The following FABP12 variants were observed in gnomAD, a reference collection of about 807,000 sequenced individuals.
FABP12 encodes fatty acid-binding protein 12.
In FABP12, 19 loss-of-function variants were observed where a neutral mutation model predicts 13.7. That is an observed-to-expected ratio of 1.39 (90% CI 0.97 to 2.04). The LOEUF (loss-of-function observed/expected upper bound fraction) is 2.04. FABP12 is among the 30% of genes most tolerant of loss of function. The pLI is 0.00. For missense variants in FABP12, 182 were observed against 164.2 expected, an observed-to-expected ratio of 1.11 and a Z score of -0.59; for synonymous variants, 61 against 57.0, an observed-to-expected ratio of 1.07 and a Z score of -0.32.
At chr8:81,544,177 T>C (rs1276012006) in intron 1 of FABP12, among the ~76,000 whole-genome samples, 1 of 152,180 alleles carries the variant, frequency 6.6e-6, no homozygotes, top group African/African-American at 2.4e-5. Context: ...AGGAGTTTAT[T>C]AGATTCCTAG....
intron 1 of FABP12, among the ~76,000 whole-genome samples, chr8:81,584,969 T>C (rs896500954): frequency 6.6e-6 from 1 of 152,218 alleles, no homozygotes; most frequent in African/African-American, 2.4e-5. Context: ...TCTAGTCAGA[T>C]CTTTTGGTTA....
At chr8:81,569,059 C>T (rs531886594) in intron 1 of FABP12, among the ~76,000 whole-genome samples, 1 of 152,114 alleles carries the variant, frequency 6.6e-6, no homozygotes, top group African/African-American at 2.4e-5. Context: ...AGGGTAACTA[C>T]AGTGAACAAT....
intron 1 of FABP12, among the ~76,000 whole-genome samples, chr8:81,576,195 T>C (rs1042380784): frequency 1.1e-4 from 17 of 152,194 alleles, no homozygotes; most frequent in Non-Finnish European, 2.1e-4. Flanking sequence ...ACGATAGTGA[T>C]AAAATCTCAA....
chr8:81,532,060 A>C (rs961988141), intron 1 of FABP12, among the ~76,000 whole-genome samples: 1 of 152,182 alleles, frequency 6.6e-6, no homozygotes, highest in Non-Finnish European at 1.5e-5. Flanking sequence ...ATATCTTTTA[A>C]GTCCTCTTTA....
exon 2 of FABP12, chr8:81,531,305 T>C: frequency 6.2e-7 from 1 of 1,601,084 alleles, no homozygotes; most frequent in East Asian, 2.2e-5. Flanking sequence ...TCCTTGGAGC[T>C]GGTCAATCAT....
chr8:81,555,182 G>A (rs1051466521), intron 1 of FABP12, among the ~76,000 whole-genome samples: 5 of 152,140 alleles, frequency 3.3e-5, no homozygotes, highest in Non-Finnish European at 5.9e-5. Context: ...CATGATCTTC[G>A]TTTAATTAGC....
intron 1 of FABP12, among the ~76,000 whole-genome samples, chr8:81,567,525 T>C (rs552844727): frequency 6.6e-6 from 1 of 152,268 alleles, no homozygotes; most frequent in South Asian, 2.1e-4. Flanking sequence ...AAACTCCTAT[T>C]TGACAAAGGT....
chr8:81,571,772 A>C (rs1809936115), intron 1 of FABP12, among the ~76,000 whole-genome samples: 1 of 152,190 alleles, frequency 6.6e-6, no homozygotes, highest in African/African-American at 2.4e-5. Flanking sequence ...ATTCACTGAA[A>C]CGACTAACAA....
At chr8:81,561,461 A>G (rs1030707039) in intron 1 of FABP12, among the ~76,000 whole-genome samples, 2 of 152,252 alleles carry the variant, frequency 1.3e-5, no homozygotes, top group African/African-American at 2.4e-5. Flanking sequence ...TTCTCCCTGC[A>G]GAAACACTAA....
intron 1 of FABP12, among the ~76,000 whole-genome samples, chr8:81,574,513 T>C (rs1419339788): frequency 1.3e-5 from 2 of 152,100 alleles, no homozygotes; most frequent in African/African-American, 2.4e-5. Flanking sequence ...TGTAGAATAG[T>C]GTCAATAGGA....
At chr8:81,554,410 T>C (rs957408414) in intron 1 of FABP12, among the ~76,000 whole-genome samples, 2 of 152,220 alleles carry the variant, frequency 1.3e-5, no homozygotes, top group African/African-American at 2.4e-5. Context: ...TTCCTAAGGA[T>C]ACACAGTCCC....
intron 1 of FABP12, among the ~76,000 whole-genome samples, chr8:81,589,262 TAAAAC>T (rs1376791484): frequency 6.6e-6 from 1 of 152,122 alleles, no homozygotes. Context: ...ATGAATCCTT[TAAAAC>T]AAAACAAGCC....
At chr8:81,551,395 T>C (rs1809520820) in intron 1 of FABP12, among the ~76,000 whole-genome samples, 1 of 152,202 alleles carries the variant, frequency 6.6e-6, no homozygotes, top group Non-Finnish European at 1.5e-5. Flanking sequence ...ACCAGTGTTT[T>C]GACTCTGGGA....
intron 1 of FABP12, among the ~76,000 whole-genome samples, chr8:81,563,268 C>A (rs564145241): frequency 1.3e-5 from 2 of 152,348 alleles, no homozygotes; most frequent in South Asian, 4.1e-4. Flanking sequence ...ACACTTAGAT[C>A]ACAGCATGCA....
intron 4 of FABP12, among the ~76,000 whole-genome samples, chr8:81,525,634 A>G (rs543701722): frequency 6.6e-6 from 1 of 152,010 alleles, no homozygotes; most frequent in South Asian, 2.1e-4. Flanking sequence ...TGTTCTATAT[A>G]ACCTATGTAT....
chr8:81,525,125 A>G lies in FABP12; in HGVS notation c.349-5T>C, dbSNP rs765104699. On this transcript the variant is annotated splice_polypyrimidine_tract_variant and splice_region_variant and intron_variant, in intron 4 of 4. Coordinates refer to ENST00000360464, the Ensembl canonical transcript of FABP12. ...AACACTGTTCACAGTACTTTCCTAC[A>G]AGACAAAAGAAATATGAGGTATTTC... is the stretch of plus-strand genomic sequence containing the variant. The G allele has an allele frequency of 2.6e-6, 4 of 1,555,846 alleles. No individual in the cohort carries two copies. Among genetic ancestry groups the G allele is most frequent in the Non-Finnish European group, 2.6e-6 (3 of 1,139,790 alleles).
chr8:81,588,451 T>C (rs1810274953), intron 1 of FABP12, among the ~76,000 whole-genome samples: 2 of 152,220 alleles, frequency 1.3e-5, no homozygotes, highest in African/African-American at 2.4e-5. Flanking sequence ...CTTTTTTAGA[T>C]TGTTCACTGT....
At chr8:81,526,075 A>G (rs905123769) in intron 4 of FABP12, 1 of 152,246 alleles carries the variant, frequency 6.6e-6, no homozygotes, top group Non-Finnish European at 1.5e-5. Flanking sequence ...CATTATAAAC[A>G]GCAATAAAAT....
At chr8:81,552,236 C>A (rs577046105) in intron 1 of FABP12, among the ~76,000 whole-genome samples, 3 of 152,062 alleles carry the variant, frequency 2.0e-5, no homozygotes, top group Non-Finnish European at 2.9e-5. Flanking sequence ...ACATTCCAAG[C>A]GGAGATAACA....
Sources: allele counts gnomAD v4.1 joint callset (sites outside exome capture counted in the v4.1 genomes callset), GRCh38; gene constraint gnomAD v4.1.1; transcripts MANE v1.5; gene names NCBI Gene and HGNC (gene_info 2026-07-23, HGNC 2026-07-21).